Variants in ASAP3 observed in about 807,000 individuals in gnomAD.
The protein encoded by ASAP3 is arf-GAP with SH3 domain, ANK repeat and PH domain-containing protein 3.
ASAP3 carries 85 observed loss-of-function variants against 118.2 expected under a neutral mutation model. The ratio of observed to expected loss-of-function variants is 0.72; its 90% CI spans 0.60 to 0.86. The LOEUF (loss-of-function observed/expected upper bound fraction) is 0.86. Among genes scored for constraint, ASAP3 ranks in the 40% least tolerant of loss-of-function variants. The probability of loss-of-function intolerance (pLI) is 0.00; values close to 1 mark genes in which losing one functional copy is unlikely to be tolerated. For missense variants in ASAP3, 1,026 were observed against 1,175.0 expected (o/e 0.87, Z 1.85); for synonymous variants, 432 against 477.4 (o/e 0.90, Z 1.24).
chr1:23,431,650 G>C, intron 23 of ASAP3, 46 bp downstream of exon 23: 1 of 1,483,314 alleles, frequency 6.7e-7, no homozygotes, highest in Non-Finnish European at 9.0e-7. Context: ...GATGCTCAGA[G>C]AAGTCAGGGG....
At position 23,435,914 on chromosome 1, in the gene ASAP3, C is replaced by T. The variant is rs748300859; in HGVS notation, c.1686G>A (p.Ser562=). 3.1e-6 allele frequency: 5 copies of T among 1,614,266 alleles called. No individual in the cohort carries two copies. The highest frequency in any genetic ancestry group is 4.5e-5 in the East Asian group (2 of 44,892). ...GCCCATTGGCAAAGGCCTCCAGTAC[C>T]GACAGGAGGTCCCTGTTGCAAATGG... is the stretch of plus-strand genomic sequence containing the variant. The part of the protein sequence containing the change: ...WTAICNRDLL[S]VLEAFANGQD... Residue 562 remains serine (S), a synonymous_variant, in exon 17 of 25, where the codon TCG becomes TCA. Transcript: ENST00000336689.
At chr1:23,466,765 A>G (rs1641781639) in intron 1 of ASAP3, among the ~76,000 whole-genome samples, 1 of 152,218 alleles carries the variant, frequency 6.6e-6, no homozygotes, top group Non-Finnish European at 1.5e-5. Flanking sequence ...GCCTTGGGAG[A>G]TACAGATTAC....
chr1:23,459,453 G>T (rs12083126), intron 1 of ASAP3, among the ~76,000 whole-genome samples: 5,636 of 152,126 alleles, frequency 0.037, 144 homozygotes, highest in Middle Eastern at 0.15. Flanking sequence ...AGCCAGAGTC[G>T]ACAGACACCT....
chr1:23,464,917 T>C (rs1259087970), intron 1 of ASAP3, among the ~76,000 whole-genome samples: 1 of 152,192 alleles, frequency 6.6e-6, no homozygotes, highest in East Asian at 1.9e-4. Flanking sequence ...GTTCTAATTC[T>C]CTTCAGAGAT....
chr1:23,459,170 CAA>C (rs59149141), intron 1 of ASAP3, among the ~76,000 whole-genome samples: 1 of 68,290 alleles, frequency 1.5e-5, no homozygotes, highest in Admixed American at 2.0e-4. Flanking sequence ...GACTCCATCT[CAA>C]AAAAAAAAAA....
intron 5 of ASAP3, among the ~76,000 whole-genome samples, chr1:23,444,962 G>C (rs1211393353): frequency 1.2e-5 from 1 of 82,800 alleles, no homozygotes; most frequent in African/African-American, 3.1e-5. Flanking sequence ...GGCTCTGTAG[G>C]CTTTTTTTTT....
At chr1:23,457,710 A>G (rs1641432571) in intron 1 of ASAP3, among the ~76,000 whole-genome samples, 1 of 152,086 alleles carries the variant, frequency 6.6e-6, no homozygotes, top group Non-Finnish European at 1.5e-5. Flanking sequence ...ACGGGGTTTC[A>G]TTGTGTTGGC....
chr1:23,438,702 G>C lies in ASAP3; in HGVS notation c.1102+45C>G. The C allele has an allele frequency of 6.3e-7, 1 of 1,577,844 alleles. No homozygotes were observed. Among genetic ancestry groups the C allele is most frequent in the Non-Finnish European group, 8.7e-7 (1 of 1,147,486 alleles). ...GGGAGCTGACAGGTGTCTTAGAGAA[G>C]CCCTGAGCAGCTGTGGGTGGGGGAG... On this transcript the variant is annotated intron_variant, in intron 12 of 24. Transcript: ENST00000336689. The surrounding 1 kb of genome is among the most constrained non-coding windows in gnomAD (Gnocchi z 4.9).
At chr1:23,457,076 C>A (rs1426913423) in intron 1 of ASAP3, among the ~76,000 whole-genome samples, 1 of 152,132 alleles carries the variant, frequency 6.6e-6, no homozygotes, top group Non-Finnish European at 1.5e-5. Flanking sequence ...GCGAAATGCA[C>A]AGTTAACTTG....
chr1:23,441,811 C>T (rs908587812), intron 7 of ASAP3, 81 bp from the exon 8 acceptor site: 45 of 1,472,930 alleles, frequency 3.1e-5, no homozygotes, highest in Middle Eastern at 1.7e-4. Flanking sequence ...GAGAAGCTGC[C>T]GTAAGGATCA....
chr1:23,483,075 G>GAGA (rs60699285), intron 1 of ASAP3, among the ~76,000 whole-genome samples: 21,266 of 152,116 alleles, frequency 0.14, 2,982 homozygotes, highest in African/African-American at 0.36. Context: ...CCTGACAAGA[G>GAGA]AGAAGAGGAC....
intron 17 of ASAP3, chr1:23,435,596 C>A (rs1414461417): frequency 1.8e-6 from 1 of 558,358 alleles, no homozygotes; most frequent in Non-Finnish European, 3.2e-6. Flanking sequence ...CTATTATTAA[C>A]CCCTTTTATA....
In ASAP3 at chr1:23,429,759, C is replaced by CA. The variant is rs1313886435; in HGVS notation, c.*96dup. On this transcript the variant is annotated 3_prime_UTR_variant, in exon 25 of 25. Coordinates refer to ENST00000336689, the MANE Select transcript of ASAP3 (RefSeq NM_017707.4). ...CACAAGGGACAGAGAGAGTGAGATC[C>CA]AAGAGAACAAATGTCTCAGCTCCCC... 5.6e-6 allele frequency: 7 copies of CA among 1,251,938 alleles called. No homozygotes were observed. Among genetic ancestry groups the CA allele is most frequent in the Non-Finnish European group, 7.8e-6 (7 of 892,430 alleles). The allele number at this position is 1,251,938 out of a possible 1,614,324, so 77.6% of individuals were successfully genotyped here. A position where few individuals can be genotyped will look rare whatever the true frequency, so the allele number is the denominator to read the frequency against.
rs537196874 is a variant in ASAP3 at position 23,434,751 on chromosome 1, G to C, written c.1750-133C>G. The C allele has an allele frequency of 2.2e-5, 17 of 780,734 alleles. No homozygotes were observed. In the East Asian group the frequency reaches 2.4e-4, roughly 11 times the overall value. The allele number at this position is 780,734 out of a possible 1,614,324, so 48.4% of individuals were successfully genotyped here. A position where few individuals can be genotyped will look rare whatever the true frequency, so the allele number is the denominator to read the frequency against. On this transcript the variant is annotated intron_variant, in intron 17 of 24. Transcript: ENST00000336689. The stretch of plus-strand genomic sequence containing the variant: ...GCCAGAACCCTGGAGAGATGAGACT[G>C]CAAGGGCAGAGCCTCATGTCTGGGA...
At chr1:23,441,320 T>TTCTC in intron 9 of ASAP3, 67 bp downstream of exon 9, 1 of 1,606,522 alleles carries the variant, frequency 6.2e-7, no homozygotes, top group Non-Finnish European at 8.5e-7. Context: ...TGGGTCTTCC[T>TTCTC]TCTCTCCCTC....
intron 1 of ASAP3, among the ~76,000 whole-genome samples, chr1:23,475,782 G>A (rs1642108446): frequency 6.6e-6 from 1 of 152,256 alleles, no homozygotes; most frequent in Admixed American, 6.5e-5. Flanking sequence ...ACCAGCCTAG[G>A]CAACACAGCG....
At chr1:23,452,873 G>T (rs778463651) in intron 3 of ASAP3, 102 bp from the exon 4 acceptor site, 1 of 1,154,166 alleles carries the variant, frequency 8.7e-7, no homozygotes, top group Admixed American at 1.7e-5. Context: ...AGAGCAGCGG[G>T]GAAGGGAAGT....
In ASAP3 at chr1:23,437,693, G is replaced by A. The variant is rs1237673653; in HGVS notation, c.1103-221C>T. On this transcript the variant is annotated intron_variant, in intron 12 of 24. Transcript: ENST00000336689. This position sits in a 1 kb window ranked among gnomAD's most constrained non-coding sequence, Gnocchi z 6.1. ...GTAGGATCCCAACAAAGCTCCCTCTGCGTGAAGCCCTGGTTCCAGGCTCAG... is the reference window on the plus strand; with the variant it reads ...GTAGGATCCCAACAAAGCTCCCTCTACGTGAAGCCCTGGTTCCAGGCTCAG... 6.6e-6 allele frequency among the ~76,000 whole-genome samples: 1 copy of A among 152,166 alleles called. No homozygotes were observed. The highest frequency in any genetic ancestry group is 2.4e-5 in the African/African-American group (1 of 41,434).
chr1:23,454,702 T>A (rs1426915341), intron 3 of ASAP3, among the ~76,000 whole-genome samples: 1 of 152,242 alleles, frequency 6.6e-6, no homozygotes, highest in Non-Finnish European at 1.5e-5. Flanking sequence ...TAGATTTTAT[T>A]AGGTTGGTGC....
Sources: gnomAD v4.1 joint callset for allele counts (sites outside exome capture counted in the v4.1 genomes callset) on GRCh38, gnomAD v4.1.1 for gene constraint, Gnocchi (gnomAD v3.1) non-coding constraint, MANE v1.5 for transcripts, NCBI Gene and HGNC (gene_info 2026-07-23, HGNC 2026-07-21) for gene names.